Variants in MTA3 observed in about 807,000 individuals in gnomAD.
MTA3 encodes metastasis associated 1 family member 3, also known as metastasis-associated protein MTA3.
MTA3 carries 34 observed loss-of-function variants against 83.5 expected under a neutral mutation model. That is an observed-to-expected ratio of 0.41 (90% CI 0.31 to 0.54). The LOEUF (loss-of-function observed/expected upper bound fraction) is 0.54, where lower values mean the gene tolerates loss of function less well. Among genes scored for constraint, MTA3 ranks in the 20% least tolerant of loss-of-function variants. The probability of loss-of-function intolerance (pLI) is 0.33; values close to 1 mark genes in which losing one functional copy is unlikely to be tolerated. For synonymous variants in MTA3, 303 were observed against 252.7 expected, an observed-to-expected ratio of 1.20 and a Z score of -1.89; for missense variants, 761 against 726.4, an observed-to-expected ratio of 1.05 and a Z score of -0.55.
chr2:42,577,612 C>G (rs1278782437), intron 2 of MTA3, among the ~76,000 whole-genome samples: 2 of 151,898 alleles, frequency 1.3e-5, no homozygotes, highest in African/African-American at 2.4e-5. Context: ...TCCCGAGTAG[C>G]TGGGACTACA....
intron 9 of MTA3, among the ~76,000 whole-genome samples, chr2:42,688,878 A>G (rs1159857414): frequency 6.6e-6 from 1 of 152,110 alleles, no homozygotes; most frequent in African/African-American, 2.4e-5. Flanking sequence ...AAAAGAAGTG[A>G]TAAGAGCAAC....
chr2:42,691,905 T>G (rs1433633372), intron 9 of MTA3, among the ~76,000 whole-genome samples: 3 of 152,240 alleles, frequency 2.0e-5, no homozygotes, highest in African/African-American at 4.8e-5. Flanking sequence ...AACTCCATTA[T>G]AAGTTATTTG....
intron 2 of MTA3, among the ~76,000 whole-genome samples, chr2:42,557,273 T>C (rs1255244903): frequency 1.3e-5 from 2 of 150,866 alleles, no homozygotes; most frequent in Admixed American, 6.6e-5. Flanking sequence ...AGAGAGACTT[T>C]GTCTCAATAT....
intron 8 of MTA3, among the ~76,000 whole-genome samples, chr2:42,676,369 C>G (rs1691351491): frequency 6.6e-6 from 1 of 152,202 alleles, no homozygotes; most frequent in African/African-American, 2.4e-5. Flanking sequence ...TTAACATGAA[C>G]ACAAAACTGA....
In MTA3 at chr2:42,652,857, A is replaced by G. The variant is rs543747099; in HGVS notation, c.500-3343A>G. Among the ~76,000 whole-genome samples the G allele has an allele frequency of 1.1e-4, 17 of 152,338 alleles. No homozygotes were observed. The South Asian group carries it at 3.3e-3, about 30-fold the overall frequency. ...AGGACAATATTGAGCAAAAATGGTG[A>G]TAAAAGACATCCTTGTGTGTTCCTG... On this transcript the variant is annotated intron_variant, in intron 6 of 16. Transcript: ENST00000405094.
chr2:42,667,618 AGAAAGAGAG>A (rs1690382976), intron 8 of MTA3, among the ~76,000 whole-genome samples: 2 of 57,514 alleles, frequency 3.5e-5, no homozygotes, highest in African/African-American at 1.7e-4. Flanking sequence ...GTATAGAGAG[AGAAAGAGAG>A]AGAGAGAGAG....
Position 42,708,128 on chromosome 2 carries a change from C to T in MTA3, c.1302+74C>T, listed in dbSNP as rs377064685. 1.4e-5 allele frequency: 21 copies of T among 1,457,592 alleles called. No individual in the cohort carries two copies. The African/African-American group carries it at 2.7e-4, about 19-fold the overall frequency. 90.3% of individuals were successfully genotyped at this position (1,457,592 alleles called of 1,614,324 possible). On this transcript the variant is annotated intron_variant, in intron 13 of 16. Transcript: ENST00000405094. Reference sequence around the variant, plus strand: ...TGATTATTCCTTGGAAACAGAAGTACAGTATAGGATAATTAAAAAATGAAG... The same window carrying T: ...TGATTATTCCTTGGAAACAGAAGTATAGTATAGGATAATTAAAAAATGAAG...
intron 2 of MTA3, among the ~76,000 whole-genome samples, chr2:42,531,222 C>G (rs896652048): frequency 6.6e-6 from 1 of 152,134 alleles, no homozygotes. Context: ...CTTGGGACCT[C>G]ACAGCCTCCA....
chr2:42,713,407 G>T (rs1666783179), intron 14 of MTA3, among the ~76,000 whole-genome samples: 1 of 151,872 alleles, frequency 6.6e-6, no homozygotes, highest in South Asian at 2.1e-4. Flanking sequence ...GAGAATAGTT[G>T]GTTTGCTTCT....
chr2:42,736,406 G>A (rs572669377), intron 16 of MTA3, among the ~76,000 whole-genome samples: 3 of 152,222 alleles, frequency 2.0e-5, no homozygotes, highest in African/African-American at 7.2e-5. Context: ...CAGCACTGGG[G>A]CTCACCCAAG....
rs1690075777 is a variant in MTA3, at chr2:42,664,789, CT to C, written c.702+4930del. On this transcript the variant is annotated intron_variant, in intron 8 of 16. Transcript: ENST00000405094. ...CTGATAGCCCTTCCTAAGTGATTTT[CT>C]TTGTGACTTTTATTCTGAGGACTTC... 2.0e-5 allele frequency among the ~76,000 whole-genome samples: 3 copies of C among 152,104 alleles called. No homozygotes were observed. The South Asian group carries it at 6.2e-4, about 31-fold the overall frequency.
At chr2:42,711,442 A>C (rs528826686) in intron 14 of MTA3, among the ~76,000 whole-genome samples, 3 of 152,350 alleles carry the variant, frequency 2.0e-5, no homozygotes, top group African/African-American at 4.8e-5. Context: ...GCAGTCGTCT[A>C]TCTGGATGAA....
chr2:42,668,354 C>G (rs1690485968), intron 8 of MTA3, among the ~76,000 whole-genome samples: 1 of 152,192 alleles, frequency 6.6e-6, no homozygotes, highest in African/African-American at 2.4e-5. Context: ...GCCCTTCTGG[C>G]TCTTAAGGCC....
At chr2:42,650,768 G>C (rs1008542265) in intron 6 of MTA3, among the ~76,000 whole-genome samples, 4 of 152,108 alleles carry the variant, frequency 2.6e-5, no homozygotes, top group African/African-American at 9.7e-5. Context: ...ACATTGTTTT[G>C]ATTACTGTTG....
At chr2:42,505,740 A>T (rs1433319259) in intron 2 of MTA3, among the ~76,000 whole-genome samples, 1 of 151,718 alleles carries the variant, frequency 6.6e-6, no homozygotes, top group Non-Finnish European at 1.5e-5. Context: ...GTGGGAATAT[A>T]GATGAAACGA....
intron 3 of MTA3, among the ~76,000 whole-genome samples, chr2:42,585,735 A>G (rs1019099331): frequency 3.3e-5 from 5 of 151,836 alleles, no homozygotes; most frequent in Admixed American, 6.6e-5. Flanking sequence ...TGGCCTCCCA[A>G]AGTGCTCGGA....
chr2:42,645,123 T>C (rs928908507), intron 6 of MTA3, among the ~76,000 whole-genome samples: 2 of 144,480 alleles, frequency 1.4e-5, no homozygotes, highest in African/African-American at 5.2e-5. Flanking sequence ...TTGAAGGAAA[T>C]TAAAAGTGCT....
intron 6 of MTA3, among the ~76,000 whole-genome samples, chr2:42,651,914 T>G (rs961526925): frequency 1.3e-5 from 2 of 151,212 alleles, no homozygotes; most frequent in African/African-American, 4.9e-5. Flanking sequence ...GCCAACATGG[T>G]GAAACCCCGT....
At chr2:42,666,772 A>G (rs896478306) in intron 8 of MTA3, among the ~76,000 whole-genome samples, 18 of 152,184 alleles carry the variant, frequency 1.2e-4, no homozygotes, top group African/African-American at 3.9e-4. Context: ...TCACCATTGA[A>G]TTCCCAGCAC....
Sources: allele counts gnomAD v4.1 joint callset (sites outside exome capture counted in the v4.1 genomes callset), GRCh38; gene constraint gnomAD v4.1.1; transcripts MANE v1.5; gene names NCBI Gene and HGNC (gene_info 2026-07-23, HGNC 2026-07-21).